The following RETREG1 variants were observed in gnomAD, a reference collection of about 807,000 sequenced individuals.
The protein encoded by RETREG1 is reticulophagy regulator 1.
RETREG1 carries 44 observed loss-of-function variants against 54.8 expected under a neutral mutation model. That is an observed-to-expected ratio of 0.80 (90% CI 0.63 to 1.03). The LOEUF is 1.03. Ranked by LOEUF, RETREG1 falls within the 50% of genes least tolerant of loss-of-function variation. The probability of loss-of-function intolerance (pLI) is 0.00; values close to 1 mark genes in which losing one functional copy is unlikely to be tolerated. For missense variants in RETREG1, 554 were observed against 605.1 expected (o/e 0.92, Z 0.89); for synonymous variants, 217 against 238.5 (o/e 0.91, Z 0.83).
rs1561142022 is a variant in RETREG1, at chr5:16,616,997, C to T, written c.-26G>A. 19 of 1,281,420 alleles carry T rather than the reference C, an allele frequency of 1.5e-5. No individual in the cohort carries two copies. The highest frequency in any genetic ancestry group is 3.3e-5 in the East Asian group (1 of 30,562). The allele number at this position is 1,281,420 out of a possible 1,614,324, so 79.4% of individuals were successfully genotyped here. A position where few individuals can be genotyped will look rare whatever the true frequency, so the allele number is the denominator to read the frequency against. On this transcript the variant is annotated 5_prime_UTR_variant, in exon 1 of 9. Coordinates refer to ENST00000306320, the MANE Select transcript of RETREG1 (RefSeq NM_001034850.3). ...CTTCAGCTGTGCTTCCAGACAGGGA[C>T]GGGGCCGGGCGCGCGCGCGGGCGCG...
rs373672186 is a variant in RETREG1, at chr5:16,585,919, C to A, written c.321-13817G>T. ...ACAGCACCAAGCTATGAGAGATCCA[C>A]CCCCATCACCCAAACACCTCCCACC... On this transcript the variant is annotated intron_variant, in intron 1 of 8. Transcript: ENST00000306320. The surrounding 1 kb of genome is among the most constrained non-coding windows in gnomAD (Gnocchi z 4.5). 4.7e-4 allele frequency among the ~76,000 whole-genome samples: 71 copies of A among 152,210 alleles called. No homozygotes were observed. In the South Asian group the frequency reaches 0.015, roughly 31 times the overall value.
At chr5:16,575,450 C>A (rs1378209367) in intron 1 of RETREG1, among the ~76,000 whole-genome samples, 1 of 152,332 alleles carries the variant, frequency 6.6e-6, no homozygotes, top group Middle Eastern at 3.4e-3. Context: ...ATTTAAGCAT[C>A]TTTTCAAAAC....
chr5:16,547,388 G>A (rs1191724249), intron 3 of RETREG1, among the ~76,000 whole-genome samples: 1 of 152,054 alleles, frequency 6.6e-6, no homozygotes, highest in African/African-American at 2.4e-5. Context: ...CAGAAAACAG[G>A]GGTATTTGGT....
chr5:16,523,140 C>A (rs248168), intron 3 of RETREG1, among the ~76,000 whole-genome samples: 73,296 of 151,716 alleles, frequency 0.48, 17,888 homozygotes, highest in Admixed American at 0.55. Flanking sequence ...AGTTTTCCCC[C>A]TGTTAATATT....
At chr5:16,485,014 G>T (rs191745337) in intron 3 of RETREG1, among the ~76,000 whole-genome samples, 1 of 152,164 alleles carries the variant, frequency 6.6e-6, no homozygotes, top group East Asian at 1.9e-4. Context: ...AATACTAAGT[G>T]CATAGCTAAG....
chr5:16,491,376 G>T (rs562293600), intron 3 of RETREG1, among the ~76,000 whole-genome samples: 5 of 152,330 alleles, frequency 3.3e-5, no homozygotes, highest in African/African-American at 1.2e-4. Flanking sequence ...TAAATCCCAT[G>T]AAGGAATTCT....
At position 16,475,253 on chromosome 5, in the gene RETREG1, A is replaced by C; in HGVS notation, c.1001-19T>G. The C allele has an allele frequency of 6.2e-7, 1 of 1,608,372 alleles. No homozygotes were observed. Among genetic ancestry groups the C allele is most frequent in the South Asian group, 1.1e-5 (1 of 91,026 alleles). On this transcript the variant is annotated intron_variant, in intron 8 of 8. Coordinates refer to ENST00000306320, the MANE Select transcript of RETREG1 (RefSeq NM_001034850.3). ...TCAAGATCTGTGAAATGGATAACAGAAGTTCAGACTGAAGCACCATAACAA... is the reference window on the plus strand; with the variant it reads ...TCAAGATCTGTGAAATGGATAACAGCAGTTCAGACTGAAGCACCATAACAA...
rs150340942 is a variant in RETREG1 at position 16,518,915 on chromosome 5, C to T, written c.459-35443G>A. On this transcript the variant is annotated intron_variant, in intron 3 of 8. Coordinates refer to ENST00000306320, the MANE Select transcript of RETREG1 (RefSeq NM_001034850.3). ...TGTCACCAATACAGAATTTGTTGCC[C>T]GTGAAAATTCAGAGAATGTATTATG... Among the ~76,000 whole-genome samples, 106 of 152,174 alleles carry T rather than the reference C, an allele frequency of 7.0e-4. No homozygotes were observed. The South Asian group carries it at 7.3e-3, about 10-fold the overall frequency.
chr5:16,541,476 C>G (rs950902886), intron 3 of RETREG1, among the ~76,000 whole-genome samples: 1 of 152,170 alleles, frequency 6.6e-6, no homozygotes, highest in Non-Finnish European at 1.5e-5. Context: ...ATCTCAAGGT[C>G]AGGAGTTCGA....
rs146323158 is a variant in RETREG1, at chr5:16,614,037, T to C, written c.320+2615A>G. 6.2e-3 allele frequency among the ~76,000 whole-genome samples: 952 copies of C among 152,342 alleles called. 10 individuals are homozygous for C. The highest frequency in any genetic ancestry group is 0.02 in the African/African-American group (842 of 41,576). ...AGTCATTTTTGTCAAAGAAAATACA[T>C]GCATGGAATGCAGATGCCACAAACA... is the stretch of plus-strand genomic sequence containing the variant. On this transcript the variant is annotated intron_variant, in intron 1 of 8. Coordinates refer to ENST00000306320, the MANE Select transcript of RETREG1 (RefSeq NM_001034850.3).
intron 3 of RETREG1, among the ~76,000 whole-genome samples, chr5:16,492,931 C>T (rs1343304422): frequency 2.0e-5 from 3 of 152,134 alleles, no homozygotes; most frequent in African/African-American, 7.2e-5. Context: ...CAACTTGAAG[C>T]GTTCACTTTC....
chr5:16,528,011 G>A (rs1294297991), intron 3 of RETREG1, among the ~76,000 whole-genome samples: 9 of 151,710 alleles, frequency 5.9e-5, no homozygotes, highest in Non-Finnish European at 1.0e-4. Flanking sequence ...GGGTTTCACC[G>A]TCTTAGCCAG....
intron 3 of RETREG1, among the ~76,000 whole-genome samples, chr5:16,510,494 T>C (rs957445808): frequency 2.6e-5 from 4 of 152,044 alleles, no homozygotes; most frequent in Non-Finnish European, 5.9e-5. Flanking sequence ...TTGGCACTTG[T>C]ACAAAATCTT....
chr5:16,541,739 G>GGGAGGGAAGGAAGGAA (rs1379256353), intron 3 of RETREG1, among the ~76,000 whole-genome samples: 95 of 102,242 alleles, frequency 9.3e-4, no homozygotes, highest in African/African-American at 2.9e-3. Flanking sequence ...GAGGGAGGGA[G>GGGAGGGAAGGAAGGAA]GGAAGGAAGG....
intron 1 of RETREG1, 178 bp downstream of exon 1, chr5:16,616,474 G>A: frequency 8.9e-7 from 1 of 1,129,610 alleles, no homozygotes; most frequent in Non-Finnish European, 1.2e-6. Flanking sequence ...CGTGCGTCCG[G>A]AGGAAAGTTG....
chr5:16,492,229 T>TCTCTCTCTCACACACACACA (rs1406702350), intron 3 of RETREG1, among the ~76,000 whole-genome samples: 9 of 110,640 alleles, frequency 8.1e-5, no homozygotes, highest in African/African-American at 2.8e-4. Context: ...TCTCTCTCTC[T>TCTCTCTCTCACACACACACA]CACACACACA....
chr5:16,596,957 C>G (rs1033929992), intron 1 of RETREG1, among the ~76,000 whole-genome samples: 1 of 152,174 alleles, frequency 6.6e-6, no homozygotes. Context: ...AACAATAGGA[C>G]AGGAGTCTGG....
intron 1 of RETREG1, among the ~76,000 whole-genome samples, chr5:16,607,756 C>T (rs918708544): frequency 6.6e-6 from 1 of 151,966 alleles, no homozygotes; most frequent in Non-Finnish European, 1.5e-5. Flanking sequence ...TAGCATGGTC[C>T]AATAGTAACC....
At chr5:16,489,082 CAAAAAAAAAAAAAA>C (rs567475517) in intron 3 of RETREG1, among the ~76,000 whole-genome samples, 6 of 62,934 alleles carry the variant, frequency 9.5e-5, no homozygotes, top group African/African-American at 3.8e-4. Flanking sequence ...GATTCTGTCT[CAAAAAAAAAAAAAA>C]AAAAAAAAAA....
Sources: gnomAD v4.1 joint callset for allele counts (sites outside exome capture counted in the v4.1 genomes callset) on GRCh38, gnomAD v4.1.1 for gene constraint, Gnocchi (gnomAD v3.1) non-coding constraint, MANE v1.5 for transcripts, NCBI Gene and HGNC (gene_info 2026-07-23, HGNC 2026-07-21) for gene names.